Variants in TRANK1 observed in about 807,000 individuals in gnomAD.
TRANK1 encodes the protein tetratricopeptide repeat and ankyrin repeat containing 1.
In TRANK1, 198 loss-of-function variants were observed where a neutral mutation model predicts 266.0. The observed-to-expected ratio is 0.74, with a 90% CI of 0.66 to 0.84. TRANK1 has a LOEUF of 0.84. Among genes scored for constraint, TRANK1 ranks in the 40% least tolerant of loss-of-function variants. TRANK1 has a pLI of 0.00. For synonymous variants in TRANK1, 1,396 were observed against 1,384.1 expected (o/e 1.01, Z -0.19); for missense variants, 3,326 against 3,634.6 (o/e 0.92, Z 2.18).
At chr3:36,903,770 G>A (rs2079919518) in intron 2 of TRANK1, among the ~76,000 whole-genome samples, 1 of 152,238 alleles carries the variant, frequency 6.6e-6, no homozygotes, top group East Asian at 1.9e-4. Context: ...CCAAAGGAGG[G>A]CCCTTTAAAG....
chr3:36,921,017 C>G (rs2080205972), intron 1 of TRANK1, among the ~76,000 whole-genome samples: 2 of 152,184 alleles, frequency 1.3e-5, no homozygotes, highest in South Asian at 4.1e-4. Context: ...CAGTTTTAAT[C>G]AGTAGTTCAC....
chr3:36,857,952 A>C lies in TRANK1; in HGVS notation c.1770T>G (p.Asn590Lys). ...AGAGGATGTGCATCAGCGTGTTCCC[A>C]TTGCTGTCCTGGACATTGGGGTTGA... ...DYLNPNVQDSNGNTLMHILFQ... is the reference protein window; with the variant it reads ...DYLNPNVQDSKGNTLMHILFQ... Residue 590 changes from asparagine to lysine, a missense_variant, in exon 13 of 24, where the codon AAT (asparagine) becomes AAG (lysine). Asn to Lys is a moderately conservative substitution (Grantham distance 94). Transcript: ENST00000645898. This position sits in a 1 kb window ranked among gnomAD's most constrained non-coding sequence, Gnocchi z 4.3. 2 of 1,602,182 alleles carry C rather than the reference A, an allele frequency of 1.2e-6. No individual in the cohort carries two copies. Among genetic ancestry groups the C allele is most frequent in the Non-Finnish European group, 1.7e-6 (2 of 1,179,780 alleles).
chr3:36,936,528 G>C (rs1207539984), intron 1 of TRANK1, among the ~76,000 whole-genome samples: 3 of 151,454 alleles, frequency 2.0e-5, no homozygotes, highest in African/African-American at 7.3e-5. Context: ...GGGAATCTAA[G>C]ATAGGGTTGC....
chr3:36,832,382 T>C lies in TRANK1; in HGVS notation c.7201A>G (p.Lys2401Glu). 1 of 1,614,014 alleles carries C rather than the reference T, an allele frequency of 6.2e-7. No individual in the cohort carries two copies. Among genetic ancestry groups the C allele is most frequent in the Non-Finnish European group, 8.5e-7 (1 of 1,179,882 alleles). Residue 2401 changes from lysine (K) to glutamate (E), a missense_variant, in exon 22 of 24, where the codon AAG becomes GAG. Transcript: ENST00000645898. ...AGCCGGATGAAGCACAGGTGGGTCT[T>C]GTCCATATTTTCATCATCCCTGTTG... is the stretch of plus-strand genomic sequence containing the variant. ...APNRDDENMDKTHLCFIRLLE... is the reference protein window; with the variant it reads ...APNRDDENMDETHLCFIRLLE...
At chr3:36,912,632 C>G (rs746685220) in intron 1 of TRANK1, among the ~76,000 whole-genome samples, 1 of 152,190 alleles carries the variant, frequency 6.6e-6, no homozygotes, top group African/African-American at 2.4e-5. Context: ...TGCAAATGCA[C>G]TGAGTAGATT....
At chr3:36,938,592 A>G (rs1391173351) in intron 1 of TRANK1, among the ~76,000 whole-genome samples, 4 of 151,848 alleles carry the variant, frequency 2.6e-5, no homozygotes, top group Non-Finnish European at 5.9e-5. Flanking sequence ...CCTTGAAAAA[A>G]CTGTGGACTT....
At chr3:36,828,408 G>GGAAA (rs1325032453) in intron 23 of TRANK1, 33 bp from the exon 24 acceptor site, 5 of 700,594 alleles carry the variant, frequency 7.1e-6, no homozygotes, top group Non-Finnish European at 1.2e-5. Flanking sequence ...AAGGAAGGAA[G>GGAAA]GAAAGAAGGG....
chr3:36,892,357 C>T lies in TRANK1; in HGVS notation c.637-17G>A, dbSNP rs1484153999. On this transcript the variant is annotated splice_polypyrimidine_tract_variant and intron_variant, in intron 6 of 23. Transcript: ENST00000645898. ...AACGTATTTCTGGGGAAAAAAAACA[C>T]ACAGGACAAATTATGGAAGTCACTA... The T allele has an allele frequency of 2.0e-6, 3 of 1,536,882 alleles. No homozygotes were observed. The highest frequency in any genetic ancestry group is 2.4e-5 in the South Asian group (2 of 84,014).
At chr3:36,877,498 G>A (rs1200828695) in intron 8 of TRANK1, among the ~76,000 whole-genome samples, 1 of 152,130 alleles carries the variant, frequency 6.6e-6, no homozygotes, top group Admixed American at 6.5e-5. Flanking sequence ...TCACAAACAT[G>A]TATGTAAAAG....
chr3:36,854,054 T>C (rs1157715331), intron 13 of TRANK1, among the ~76,000 whole-genome samples: 3 of 152,178 alleles, frequency 2.0e-5, no homozygotes, highest in Non-Finnish European at 2.9e-5. Context: ...CTCCACATTA[T>C]CAACATGCAA....
At chr3:36,913,643 C>T (rs539622903) in intron 1 of TRANK1, among the ~76,000 whole-genome samples, 1 of 151,958 alleles carries the variant, frequency 6.6e-6, no homozygotes, top group Non-Finnish European at 1.5e-5. Context: ...TTGTTTTTTT[C>T]TTTTTTTCTT....
At chr3:36,919,457 A>G (rs1287871196) in intron 1 of TRANK1, among the ~76,000 whole-genome samples, 16 of 152,098 alleles carry the variant, frequency 1.1e-4, no homozygotes, top group Admixed American at 1.0e-3. Flanking sequence ...TATATCAGTA[A>G]CTCCTTTCTC....
chr3:36,944,565 C>T (rs1433294990), intron 1 of TRANK1, among the ~76,000 whole-genome samples: 4 of 152,210 alleles, frequency 2.6e-5, no homozygotes, highest in Admixed American at 2.0e-4. Flanking sequence ...GTGCCCTGGT[C>T]CCTCCGGACC....
At chr3:36,898,316 G>A (rs372304041) in intron 4 of TRANK1, among the ~76,000 whole-genome samples, 7 of 152,112 alleles carry the variant, frequency 4.6e-5, no homozygotes, top group East Asian at 1.9e-4. Flanking sequence ...CGGGCGGGGT[G>A]GTAGGCGCCT....
chr3:36,941,119 C>A (rs1383582955), intron 1 of TRANK1, among the ~76,000 whole-genome samples: 1 of 152,134 alleles, frequency 6.6e-6, no homozygotes, highest in Admixed American at 6.6e-5. Flanking sequence ...GAAGATCACC[C>A]AATATAGTGC....
chr3:36,835,081 A>G (rs893382164), intron 20 of TRANK1, among the ~76,000 whole-genome samples, 174 bp from the exon 21 acceptor site: 9 of 152,096 alleles, frequency 5.9e-5, no homozygotes, highest in Admixed American at 2.6e-4. Context: ...GCACTTTGGG[A>G]GGCCGAGGCG....
intron 15 of TRANK1, 146 bp from the exon 16 acceptor site, chr3:36,847,492 G>A: frequency 1.2e-6 from 1 of 805,144 alleles, no homozygotes; most frequent in East Asian, 2.7e-5. Context: ...TGTGATCTTA[G>A]AATGGATAGG....
intron 9 of TRANK1, among the ~76,000 whole-genome samples, chr3:36,866,092 G>GAAA (rs1317826555): frequency 6.6e-6 from 1 of 150,734 alleles, no homozygotes; most frequent in Non-Finnish European, 1.5e-5. Flanking sequence ...AAGAAAGAAA[G>GAAA]AAAGAAAGAA....
At chr3:36,892,567 C>T (rs564392221) in intron 6 of TRANK1, among the ~76,000 whole-genome samples, 3 of 152,274 alleles carry the variant, frequency 2.0e-5, no homozygotes, top group Non-Finnish European at 2.9e-5. Flanking sequence ...CAGTGATTCA[C>T]GCCTATAATC....
Sources: allele counts gnomAD v4.1 joint callset (sites outside exome capture counted in the v4.1 genomes callset), GRCh38; gene constraint gnomAD v4.1.1; non-coding constraint Gnocchi (gnomAD v3.1); transcripts MANE v1.5; gene names NCBI Gene and HGNC (gene_info 2026-07-23, HGNC 2026-07-21).